Variants in CEP128 observed in about 807,000 individuals in gnomAD.
CEP128 encodes centrosomal protein 128kDa.
A neutral mutation model predicts 156.7 loss-of-function variants in CEP128; 132 were observed. The observed-to-expected ratio is 0.84, with a 90% confidence interval of 0.73 to 0.97. The LOEUF (loss-of-function observed/expected upper bound fraction) is 0.97, where lower values mean the gene tolerates loss of function less well. Ranked by LOEUF, CEP128 falls within the 50% of genes least tolerant of loss-of-function variation. CEP128 has a pLI of 0.00. For synonymous variants in CEP128, 469 were observed against 448.9 expected, an observed-to-expected ratio of 1.04 and a Z score of -0.57; for missense variants, 1,252 against 1,281.9, an observed-to-expected ratio of 0.98 and a Z score of 0.36.
chr14:80,657,943 T>C (rs184430854), intron 19 of CEP128, among the ~76,000 whole-genome samples: 181 of 152,282 alleles, frequency 1.2e-3, no homozygotes, highest in African/African-American at 4.0e-3. Flanking sequence ...GCAAGAACTC[T>C]TACGTAAACC....
At chr14:80,732,784 G>A (rs1467752041) in intron 19 of CEP128, among the ~76,000 whole-genome samples, 5 of 152,056 alleles carry the variant, frequency 3.3e-5, no homozygotes, top group Admixed American at 6.6e-5. Flanking sequence ...AAAATAATCT[G>A]TGTTGGACTT....
intron 21 of CEP128, among the ~76,000 whole-genome samples, chr14:80,541,758 A>G (rs973204752): frequency 3.3e-5 from 5 of 152,198 alleles, no homozygotes; most frequent in African/African-American, 9.7e-5. Context: ...ATGAAGGTCT[A>G]TCTGTCTGAA....
intron 2 of CEP128, chr14:80,955,957 A>T (rs1428862456): frequency 3.7e-6 from 5 of 1,366,784 alleles, no homozygotes; most frequent in Non-Finnish European, 4.1e-6. Context: ...GTAGTGTGTG[A>T]GTGTGTGTAT....
intron 9 of CEP128, among the ~76,000 whole-genome samples, chr14:80,851,343 C>A (rs1886877510): frequency 6.6e-6 from 1 of 151,986 alleles, no homozygotes; most frequent in Non-Finnish European, 1.5e-5. Context: ...TGACAGTGAG[C>A]AATGGAACTG....
At position 80,555,597 on chromosome 14, in the gene CEP128, C is replaced by A. The variant is rs780821018; in HGVS notation, c.2880+3682G>T. On this transcript the variant is annotated intron_variant, in intron 21 of 24. Transcript: ENST00000555265. Reference sequence around the variant, plus strand: ...GTCACAAGTTAATTTTATATGTGTACGGGAGTCATGATTTTACCTTAAAAA... The same window carrying A: ...GTCACAAGTTAATTTTATATGTGTAAGGGAGTCATGATTTTACCTTAAAAA... Among the ~76,000 whole-genome samples, 5 of 151,968 alleles carry A rather than the reference C, an allele frequency of 3.3e-5. No homozygotes were observed. In the East Asian group the frequency reaches 9.7e-4, roughly 29 times the overall value.
chr14:80,675,489 A>C (rs1896022575), intron 19 of CEP128, among the ~76,000 whole-genome samples: 1 of 152,024 alleles, frequency 6.6e-6, no homozygotes, highest in Non-Finnish European at 1.5e-5. Flanking sequence ...TGGTGTAAAA[A>C]TGGGATTTTA....
At chr14:80,480,662 A>T (rs980586635) in intron 14 of CEP128, among the ~76,000 whole-genome samples, 1 of 152,086 alleles carries the variant, frequency 6.6e-6, no homozygotes, top group Non-Finnish European at 1.5e-5. Flanking sequence ...AAGGCTGCAA[A>T]TTTTCCAAAC....
intron 19 of CEP128, among the ~76,000 whole-genome samples, chr14:80,680,584 G>A (rs1446511140): frequency 1.3e-5 from 2 of 152,168 alleles, no homozygotes; most frequent in Non-Finnish European, 2.9e-5. Context: ...AGGATTAGCA[G>A]CTTGAACTGT....
At position 80,684,777 on chromosome 14, in the gene CEP128, G is replaced by C. The variant is rs139141088; in HGVS notation, c.2806+58298C>G. 5.0e-3 allele frequency among the ~76,000 whole-genome samples: 753 copies of C among 149,144 alleles called. 2 individuals carry two copies. The highest frequency in any genetic ancestry group is 7.5e-3 in the Admixed American group (113 of 14,968). ...CAAGAAAAAGAAAGCTTCATTCCTA[G>C]GATACAAGGTTCGTTCAACATATGT... On this transcript the variant is annotated intron_variant, in intron 19 of 24. Transcript: ENST00000555265.
chr14:80,811,261 T>C (rs1355418704), intron 13 of CEP128, among the ~76,000 whole-genome samples: 1 of 152,218 alleles, frequency 6.6e-6, no homozygotes, highest in Admixed American at 6.5e-5. Context: ...TGAATCTTTA[T>C]AATAGAATGA....
At chr14:80,772,420 A>AT (rs1900559558) in intron 16 of CEP128, among the ~76,000 whole-genome samples, 1 of 152,064 alleles carries the variant, frequency 6.6e-6, no homozygotes, top group African/African-American at 2.4e-5. Context: ...TTCCCACTCC[A>AT]TCCCCCCTCC....
At chr14:80,541,052 A>G (rs1179036201) in intron 21 of CEP128, among the ~76,000 whole-genome samples, 1 of 152,174 alleles carries the variant, frequency 6.6e-6, no homozygotes, top group Non-Finnish European at 1.5e-5. Flanking sequence ...CATAGTAAAA[A>G]AGATCATCAA....
intron 8 of CEP128, among the ~76,000 whole-genome samples, chr14:80,873,504 T>C (rs1888129809): frequency 6.6e-6 from 1 of 152,226 alleles, no homozygotes; most frequent in South Asian, 2.1e-4. Context: ...ATGTGCACTA[T>C]GCAAATTGGT....
At chr14:80,605,469 T>C (rs868142413) in intron 19 of CEP128, among the ~76,000 whole-genome samples, 1 of 152,068 alleles carries the variant, frequency 6.6e-6, no homozygotes, top group South Asian at 2.1e-4. Flanking sequence ...CCAGGATAAA[T>C]ACACTTTAGA....
chr14:80,615,912 G>T (rs1018233213), intron 19 of CEP128, among the ~76,000 whole-genome samples: 8 of 151,904 alleles, frequency 5.3e-5, no homozygotes, highest in Admixed American at 2.0e-4. Context: ...CAGCAGAAAG[G>T]CCCACCAGTG....
chr14:80,550,181 A>G (rs934637879), intron 21 of CEP128, among the ~76,000 whole-genome samples: 7 of 152,122 alleles, frequency 4.6e-5, no homozygotes, highest in African/African-American at 1.7e-4. Context: ...ACCCCATTTT[A>G]AGTTGTGTTA....
chr14:80,895,939 G>C (rs529870122), intron 7 of CEP128, 149 bp from the exon 8 acceptor site: 4 of 630,848 alleles, frequency 6.3e-6, no homozygotes, highest in African/African-American at 1.9e-5. Flanking sequence ...CACGTGGAAG[G>C]CTTGTTAAAA....
intron 2 of CEP128, chr14:80,955,661 A>T: frequency 6.2e-7 from 1 of 1,613,500 alleles, no homozygotes; most frequent in Non-Finnish European, 8.5e-7. Flanking sequence ...ATGGAGAAAT[A>T]GCCCCGAGTC....
At chr14:80,502,966 G>A (rs1887804961) in intron 24 of CEP128, among the ~76,000 whole-genome samples, 1 of 152,048 alleles carries the variant, frequency 6.6e-6, no homozygotes, top group Non-Finnish European at 1.5e-5. Flanking sequence ...AAGCAAATAA[G>A]AATGTTTTCT....
Sources: gnomAD v4.1 joint callset for allele counts (sites outside exome capture counted in the v4.1 genomes callset) on GRCh38, gnomAD v4.1.1 for gene constraint, MANE v1.5 for transcripts, NCBI Gene and HGNC (gene_info 2026-07-23, HGNC 2026-07-21) for gene names.